The following DOCK4 variants were observed in gnomAD, a reference collection of about 807,000 sequenced individuals.
The protein encoded by DOCK4 is dedicator of cytokinesis 4, also known as dedicator of cytokinesis protein 4.
In DOCK4, 97 loss-of-function variants were observed where a neutral mutation model predicts 268.1. The ratio of observed to expected loss-of-function variants is 0.36; its 90% CI spans 0.31 to 0.43. The LOEUF (loss-of-function observed/expected upper bound fraction) is 0.43. Among genes scored for constraint, DOCK4 ranks in the 20% least tolerant of loss-of-function variants. The pLI, the probability that DOCK4 is intolerant of heterozygous loss-of-function variation, is 1.00. For synonymous variants in DOCK4, 954 were observed against 887.2 expected (o/e 1.08, Z -1.34); for missense variants, 2,145 against 2,455.7 (o/e 0.87, Z 2.67).
At chr7:111,941,654 A>C (rs1435420291) in intron 10 of DOCK4, among the ~76,000 whole-genome samples, 1 of 152,028 alleles carries the variant, frequency 6.6e-6, no homozygotes, top group African/African-American at 2.4e-5. Flanking sequence ...AAAAAAAAAA[A>C]CTAGAAACTG....
intron 8 of DOCK4, among the ~76,000 whole-genome samples, chr7:111,949,693 C>CA (rs139000215): frequency 0.013 from 1,981 of 151,982 alleles, 50 homozygotes; most frequent in African/African-American, 0.046. Context: ...TCTTTTTATT[C>CA]ATTTGATGAC....
chr7:111,741,773 T>C (rs1356364988), intron 45 of DOCK4, 112 bp from the exon 46 acceptor site: 8 of 1,373,988 alleles, frequency 5.8e-6, no homozygotes, highest in South Asian at 1.5e-5. Context: ...AGTCTTCACA[T>C]AGGGAGCTAT....
chr7:111,984,382 C>G lies in DOCK4; in HGVS notation c.473G>C (p.Gly158Ala), dbSNP rs1798879611. 1 of 1,612,646 alleles carries G rather than the reference C, an allele frequency of 6.2e-7. No homozygotes were observed. The highest frequency in any genetic ancestry group is 1.3e-5 in the African/African-American group (1 of 74,868). Reference protein sequence around the residue: ...ARLDWGNEQLGLDLVPRKEYA... With the variant: ...ARLDWGNEQLALDLVPRKEYA... Reference sequence around the variant, plus strand: ...CTCTTTCCTAGGCACCAGGTCCAGTCCCAGTTGTCTAGAAAACAAATTGCA... The same window carrying G: ...CTCTTTCCTAGGCACCAGGTCCAGTGCCAGTTGTCTAGAAAACAAATTGCA... Residue 158 changes from glycine (G) to alanine (A), a missense_variant, in exon 7 of 53, where the codon GGA becomes GCA. Gly to Ala is a moderately conservative substitution (Grantham distance 60). Around this residue, in one of 2 missense-constraint regions of DOCK4, gnomAD observed 1,598 missense variants for 1,986.7 expected, o/e 0.80. Coordinates refer to ENST00000428084, the MANE Select transcript of DOCK4 (RefSeq NM_001363540.2).
chr7:111,911,080 G>A (rs1792056254), intron 13 of DOCK4, among the ~76,000 whole-genome samples: 1 of 152,214 alleles, frequency 6.6e-6, no homozygotes, highest in Admixed American at 6.5e-5. Context: ...TCTGCAGAGA[G>A]GCGGTGACTG....
At chr7:112,087,872 T>A (rs1809247942) in intron 1 of DOCK4, among the ~76,000 whole-genome samples, 1 of 152,054 alleles carries the variant, frequency 6.6e-6, no homozygotes, top group Non-Finnish European at 1.5e-5. Context: ...TGTTTAGACA[T>A]CTCTAACAGA....
chr7:111,732,093 C>T, intron 52 of DOCK4, 133 bp downstream of exon 52: 1 of 866,410 alleles, frequency 1.2e-6, no homozygotes, highest in Non-Finnish European at 1.8e-6. Context: ...CAACCAGCTT[C>T]CCCTATCCCT....
chr7:111,745,683 TAAAAAAAAA>T (rs781530065), intron 44 of DOCK4, among the ~76,000 whole-genome samples: 5 of 49,614 alleles, frequency 1.0e-4, no homozygotes, highest in African/African-American at 3.6e-4. Context: ...GACTCCGTCT[TAAAAAAAAA>T]AAAAAAAAAA....
In DOCK4 at chr7:111,893,539, T is replaced by C. The variant is rs139071189; in HGVS notation, c.1587+2073A>G. On this transcript the variant is annotated intron_variant, in intron 16 of 52. Transcript: ENST00000428084. ...AGACATTTATATGAAGTACCATTTA[T>C]GTTTTCGAAAATTGAAGCTCAAGAC... Among the ~76,000 whole-genome samples, 522 of 152,370 alleles carry C rather than the reference T, an allele frequency of 3.4e-3. 3 individuals carry two copies. Among genetic ancestry groups the C allele is most frequent in the African/African-American group, 0.012 (488 of 41,590 alleles).
At chr7:111,898,428 C>G (rs1480018573) in intron 15 of DOCK4, among the ~76,000 whole-genome samples, 2 of 152,218 alleles carry the variant, frequency 1.3e-5, no homozygotes, top group East Asian at 3.9e-4. Context: ...TACTCCCTAG[C>G]TGCAATTTAA....
In DOCK4 at chr7:112,085,599, T is replaced by A. The variant is rs147842687; in HGVS notation, c.38-81468A>T. Among the ~76,000 whole-genome samples, 178 of 152,228 alleles carry A rather than the reference T, an allele frequency of 1.2e-3. 1 individual carries two copies. Among genetic ancestry groups the A allele is most frequent in the African/African-American group, 3.8e-3 (157 of 41,544 alleles). On this transcript the variant is annotated intron_variant, in intron 1 of 52. Transcript: ENST00000428084. ...CAAGTAGCAGATGGGTAGAAGTTCT[T>A]TATGGAAGAATTCACCCAATAAATG...
At chr7:112,094,487 T>A (rs554203006) in intron 1 of DOCK4, among the ~76,000 whole-genome samples, 1 of 152,286 alleles carries the variant, frequency 6.6e-6, no homozygotes, top group Admixed American at 6.5e-5. Context: ...ACTTTTCAAA[T>A]TACACCAACT....
At chr7:112,175,487 A>G (rs1287375704) in intron 1 of DOCK4, among the ~76,000 whole-genome samples, 1 of 152,026 alleles carries the variant, frequency 6.6e-6, no homozygotes, top group East Asian at 1.9e-4. Context: ...TAATCATCCT[A>G]TCATATATCT....
At chr7:112,127,566 TA>T (rs55792625) in intron 1 of DOCK4, among the ~76,000 whole-genome samples, 64,329 of 151,248 alleles carry the variant, frequency 0.43, 14,254 homozygotes, top group South Asian at 0.59. Flanking sequence ...ATAATAATAA[TA>T]AAAAAAAACT....
At chr7:112,150,732 C>G (rs1483569094) in intron 1 of DOCK4, among the ~76,000 whole-genome samples, 1 of 152,166 alleles carries the variant, frequency 6.6e-6, no homozygotes, top group Non-Finnish European at 1.5e-5. Context: ...ACCAAGGTGA[C>G]TTAATAAACA....
intron 1 of DOCK4, among the ~76,000 whole-genome samples, chr7:112,127,242 G>T (rs2116019177): frequency 6.6e-6 from 1 of 152,008 alleles, no homozygotes; most frequent in African/African-American, 2.4e-5. Flanking sequence ...AAAAAATGAT[G>T]AGTTCATGTC....
intron 28 of DOCK4, among the ~76,000 whole-genome samples, chr7:111,809,637 A>G (rs1800935552): frequency 6.6e-6 from 1 of 152,202 alleles, no homozygotes; most frequent in Admixed American, 6.5e-5. Flanking sequence ...AACTAAATAA[A>G]TAAGTACTAT....
intron 1 of DOCK4, among the ~76,000 whole-genome samples, chr7:112,012,655 T>C (rs1486329018): frequency 1.3e-5 from 2 of 152,158 alleles, no homozygotes; most frequent in Non-Finnish European, 2.9e-5. Flanking sequence ...CCACCAATAT[T>C]TGGAAAAAAT....
At position 112,200,505 on chromosome 7, in the gene DOCK4, T is replaced by C. The variant is rs1162741773; in HGVS notation, c.37+5597A>G. ...AAACATTGTATTACTGTGTTACGGT[T>C]ACAGCCTTTTAGAAGGGTTTCATTA... is the stretch of plus-strand genomic sequence containing the variant. On this transcript the variant is annotated intron_variant, in intron 1 of 52. Transcript: ENST00000428084. Among the ~76,000 whole-genome samples the C allele has an allele frequency of 2.0e-5, 3 of 152,030 alleles. No individual in the cohort carries two copies. The East Asian group carries it at 5.8e-4, about 29-fold the overall frequency.
intron 1 of DOCK4, among the ~76,000 whole-genome samples, chr7:112,200,040 A>AACC (rs1056645060): frequency 2.6e-5 from 4 of 152,218 alleles, no homozygotes; most frequent in Non-Finnish European, 4.4e-5. Flanking sequence ...CAAAGACAAT[A>AACC]ACCACCACCA....
Sources: gnomAD v4.1 joint callset for allele counts (sites outside exome capture counted in the v4.1 genomes callset) on GRCh38, gnomAD v4.1.1 for gene constraint, gnomAD v4.1.1 regional missense constraint, MANE v1.5 for transcripts, NCBI Gene and HGNC (gene_info 2026-07-23, HGNC 2026-07-21) for gene names.